Variants in SENP1 observed in about 807,000 individuals in gnomAD.
SENP1 encodes sentrin-specific protease 1.
Under a neutral mutation model 93.0 loss-of-function variants are expected in SENP1, and 21 were observed. The observed-to-expected ratio is 0.23, with a 90% CI of 0.16 to 0.33. SENP1 has a LOEUF of 0.33. SENP1 is among the 10% of genes least tolerant of loss of function. SENP1 has a pLI of 1.00. For synonymous variants in SENP1, 256 were observed against 259.6 expected (o/e 0.99, Z 0.13); for missense variants, 591 against 758.7 (o/e 0.78, Z 2.60).
chr12:48,048,631 A>G (rs1289969724), intron 14 of SENP1, among the ~76,000 whole-genome samples: 1 of 152,214 alleles, frequency 6.6e-6, no homozygotes, highest in Non-Finnish European at 1.5e-5. Flanking sequence ...ACAGAATCTG[A>G]GTGGCAGCAT....
At chr12:48,097,442 T>C (rs1312871897) in intron 3 of SENP1, among the ~76,000 whole-genome samples, 1 of 152,224 alleles carries the variant, frequency 6.6e-6, no homozygotes, top group African/African-American at 2.4e-5. Context: ...CTAATGGCTT[T>C]CCTATTGAAA....
intron 6 of SENP1, chr12:48,081,471 G>C (rs1944483790): frequency 6.6e-6 from 1 of 150,934 alleles, no homozygotes. Context: ...GTCCAGCTTT[G>C]TCATCAAAGG....
chr12:48,078,469 A>G (rs1944294008), intron 6 of SENP1, among the ~76,000 whole-genome samples: 1 of 151,190 alleles, frequency 6.6e-6, no homozygotes, highest in Non-Finnish European at 1.5e-5. Context: ...TCTTTGGTGG[A>G]GTCTGTAGGG....
chr12:48,058,198 G>A (rs1393821546), intron 13 of SENP1, among the ~76,000 whole-genome samples: 4 of 151,792 alleles, frequency 2.6e-5, no homozygotes, highest in Non-Finnish European at 5.9e-5. Flanking sequence ...CACCCGCCTC[G>A]GCCTCCCAAA....
rs146331283 is a variant in SENP1 at position 48,098,239 on chromosome 12, C to T, written c.5-115G>A. 1.5e-5 allele frequency: 16 copies of T among 1,057,522 alleles called. No individual in the cohort carries two copies. In the African/African-American group the frequency reaches 2.5e-4, roughly 17 times the overall value. 65.5% of individuals were successfully genotyped at this position (1,057,522 alleles called of 1,614,324 possible). On this transcript the variant is annotated intron_variant, in intron 2 of 17. Coordinates refer to ENST00000549518, the MANE Select transcript of SENP1 (RefSeq NM_001267594.2). Reference sequence around the variant, plus strand: ...TCCCACCCAGGCATGGTGTCTCATGCCTGTAATCCCAGCACTCTGAGAGGC... The same window carrying T: ...TCCCACCCAGGCATGGTGTCTCATGTCTGTAATCCCAGCACTCTGAGAGGC...
intron 5 of SENP1, among the ~76,000 whole-genome samples, chr12:48,086,363 T>C (rs1944862317): frequency 6.6e-6 from 1 of 152,230 alleles, no homozygotes; most frequent in Non-Finnish European, 1.5e-5. Context: ...TTAACTCTAA[T>C]AAAACTATTA....
intron 1 of SENP1, among the ~76,000 whole-genome samples, chr12:48,102,431 C>CAAAAAAAAAAAAAAAAAAAAAACAAAA (rs1946006881): frequency 2.1e-5 from 1 of 47,458 alleles, no homozygotes; most frequent in Non-Finnish European, 3.8e-5. Context: ...GACTCTGTCT[C>CAAAAAAAAAAAAAAAAAAAAAACAAAA]AAAAAAAAAA....
Position 48,046,372 on chromosome 12 carries a change from G to T in SENP1, c.1856C>A (p.Pro619Gln). 6.2e-7 allele frequency: 1 copy of T among 1,611,834 alleles called. No homozygotes were observed. The highest frequency in any genetic ancestry group is 8.5e-7 in the Non-Finnish European group (1 of 1,178,132). Residue 619 changes from proline to glutamine, a missense_variant, in exon 17 of 18, where the codon CCA (proline) becomes CAA (glutamine). Around this residue, in one of 4 missense-constraint regions of SENP1, gnomAD observed 132 missense variants for 230.1 expected, o/e 0.57. Transcript: ENST00000549518. ...TCAGCTCACCTGTGTGAAGTTGATT[G>T]GTCTGTCTTTGGTAATACAGTCAGC... is the stretch of plus-strand genomic sequence containing the variant. ...KYADCITKDR[P>Q]INFTQQHMPY...
intron 6 of SENP1, among the ~76,000 whole-genome samples, chr12:48,079,066 A>T (rs539544818): frequency 6.6e-6 from 1 of 152,260 alleles, no homozygotes; most frequent in South Asian, 2.1e-4. Context: ...AGGGAGTATC[A>T]CTTGAGCCAG....
intron 13 of SENP1, among the ~76,000 whole-genome samples, chr12:48,049,962 G>A (rs1348072353): frequency 6.6e-6 from 1 of 152,198 alleles, no homozygotes; most frequent in Non-Finnish European, 1.5e-5. Flanking sequence ...AAATTACAAT[G>A]GCTGAGTGGG....
intron 4 of SENP1, among the ~76,000 whole-genome samples, chr12:48,095,024 T>G (rs915270024): frequency 1.3e-5 from 2 of 152,166 alleles, no homozygotes; most frequent in African/African-American, 4.8e-5. Flanking sequence ...TGATTGATTT[T>G]TCTATACAAA....
At position 48,045,444 on chromosome 12, in the gene SENP1, T is replaced by C. The variant is rs566863064; in HGVS notation, c.1873-60A>G. 60 of 1,357,856 alleles carry C rather than the reference T, an allele frequency of 4.4e-5. No individual in the cohort carries two copies. In the South Asian group the frequency reaches 6.2e-4, roughly 14 times the overall value. 84.1% of individuals were successfully genotyped at this position (1,357,856 alleles called of 1,614,324 possible). On this transcript the variant is annotated intron_variant, in intron 17 of 17. Coordinates refer to ENST00000549518, the MANE Select transcript of SENP1 (RefSeq NM_001267594.2). The stretch of plus-strand genomic sequence containing the variant: ...GCTTTTGTCTAGACCTGATACGCCT[T>C]TCCCCATACTTCTTTCTTTTGCAAG...
intron 2 of SENP1, among the ~76,000 whole-genome samples, chr12:48,099,457 C>T (rs951064791): frequency 1.3e-5 from 2 of 151,998 alleles, no homozygotes; most frequent in Non-Finnish European, 2.9e-5. Flanking sequence ...AAAAATTCAC[C>T]ATTCAGTAAC....
chr12:48,054,167 T>C (rs1942040515), intron 13 of SENP1, among the ~76,000 whole-genome samples: 1 of 152,186 alleles, frequency 6.6e-6, no homozygotes, highest in Admixed American at 6.5e-5. Flanking sequence ...CAGTCTTCTA[T>C]ATCCTTACTG....
chr12:48,074,479 T>C lies in SENP1; in HGVS notation c.785A>G (p.Gln262Arg), dbSNP rs1279074178. 2 of 1,613,950 alleles carry C rather than the reference T, an allele frequency of 1.2e-6. No homozygotes were observed. The highest frequency in any genetic ancestry group is 1.7e-5 in the Admixed American group (1 of 60,022). Residue 262 changes from glutamine to arginine, a missense_variant, in exon 8 of 18, where the codon CAG becomes CGG. Physicochemically the swap from Gln to Arg is conservative, Grantham distance 43 (BLOSUM62 1). This residue lies in a region of SENP1 where 238 missense variants were observed against 259.1 expected (regional missense o/e 0.92). Transcript: ENST00000549518. ...ATATACACTGTGGGACAGCTGTTCC[T>C]GGTTAGTTAAAATGCTGGCAGATCC... ...SSGSASILTNQEQLSHSVYSL... is the reference protein window; with the variant it reads ...SSGSASILTNREQLSHSVYSL...
At position 48,066,572 on chromosome 12, in the gene SENP1, C is replaced by T. The variant is rs1371730356; in HGVS notation, c.1034+355G>A. Among the ~76,000 whole-genome samples, 5 of 150,024 alleles carry T rather than the reference C, an allele frequency of 3.3e-5. No homozygotes were observed. The East Asian group carries it at 5.9e-4, about 18-fold the overall frequency. On this transcript the variant is annotated intron_variant, in intron 10 of 17. Coordinates refer to ENST00000549518, the MANE Select transcript of SENP1 (RefSeq NM_001267594.2). ...TGTTGCCCAGGCTGGAGTGCAGTGGCGTGATCTCGGCTCACTGCAACCTCC... is the reference window on the plus strand; with the variant it reads ...TGTTGCCCAGGCTGGAGTGCAGTGGTGTGATCTCGGCTCACTGCAACCTCC...
chr12:48,102,805 C>T (rs556122573), intron 1 of SENP1, among the ~76,000 whole-genome samples: 6 of 134,488 alleles, frequency 4.5e-5, no homozygotes, highest in East Asian at 2.1e-4. Flanking sequence ...GGCGAGACTC[C>T]GTCTCAAAAA....
chr12:48,100,236 G>T (rs1945834734), intron 2 of SENP1, among the ~76,000 whole-genome samples: 1 of 152,176 alleles, frequency 6.6e-6, no homozygotes, highest in African/African-American at 2.4e-5. Flanking sequence ...AGTGAAAAAT[G>T]TCCTAACCAC....
chr12:48,055,686 A>G (rs908406968), intron 13 of SENP1: 3 of 151,676 alleles, frequency 2.0e-5, no homozygotes, highest in South Asian at 2.1e-4. Flanking sequence ...TAAAATCCAC[A>G]GCACATTTCA....
Sources: allele counts gnomAD v4.1 joint callset (sites outside exome capture counted in the v4.1 genomes callset), GRCh38; gene constraint gnomAD v4.1.1; regional missense constraint gnomAD v4.1.1; transcripts MANE v1.5; gene names NCBI Gene and HGNC (gene_info 2026-07-23, HGNC 2026-07-21).